PPFIBP1: variants seen among roughly 807,000 people sequenced by gnomAD.
PPFIBP1 encodes the protein liprin-beta-1.
In PPFIBP1, 112 loss-of-function variants were observed where a neutral mutation model predicts 137.8. The ratio of observed to expected loss-of-function variants is 0.81; its 90% confidence interval spans 0.70 to 0.95. PPFIBP1 has a LOEUF of 0.95. Ranked by LOEUF, PPFIBP1 falls within the 40% of genes least tolerant of loss-of-function variation. PPFIBP1 has a pLI of 0.00. For synonymous variants in PPFIBP1, 378 were observed against 417.3 expected (o/e 0.91, Z 1.15); for missense variants, 1,083 against 1,196.6 (o/e 0.91, Z 1.40).
At chr12:27,575,572 G>A (rs1327313148) in intron 1 of PPFIBP1, among the ~76,000 whole-genome samples, 1 of 152,182 alleles carries the variant, frequency 6.6e-6, no homozygotes, top group Non-Finnish European at 1.5e-5. Flanking sequence ...GAGACCTGAG[G>A]TTGTGGGCAG....
At chr12:27,637,214 T>A (rs562473106) in intron 4 of PPFIBP1, 5 of 152,308 alleles carry the variant, frequency 3.3e-5, no homozygotes, top group South Asian at 4.1e-4. Context: ...GCCCTTATTT[T>A]AAAAAAATTA....
intron 4 of PPFIBP1, among the ~76,000 whole-genome samples, chr12:27,639,547 A>G (rs1433711042): frequency 2.6e-5 from 4 of 152,194 alleles, no homozygotes. Flanking sequence ...TTTAATTATG[A>G]GGCCATCTCA....
rs748800574 is a variant in PPFIBP1 at position 27,692,868 on chromosome 12, G to T, written c.3004G>T (p.Asp1002Tyr). ...CCCCAGTGCCAGCATTACAGATGAA[G>T]ACTCAAACGTTTGACCGTAGCACCT... ...RSPSASITDEDSNV is the reference protein window; with the variant it reads ...RSPSASITDEYSNV Residue 1002 changes from aspartate (D) to tyrosine (Y), a missense_variant, in exon 30 of 30, where the codon GAC becomes TAC. Physicochemically the swap from Asp to Tyr is radical, Grantham distance 160. Coordinates refer to ENST00000228425, the MANE Select transcript of PPFIBP1 (RefSeq NM_003622.4). 1 of 1,614,090 alleles carries T rather than the reference G, an allele frequency of 6.2e-7. No individual in the cohort carries two copies. Among genetic ancestry groups the T allele is most frequent in the Non-Finnish European group, 8.5e-7 (1 of 1,180,006 alleles).
chr12:27,588,628 T>C (rs569931210), intron 2 of PPFIBP1, among the ~76,000 whole-genome samples: 1 of 152,354 alleles, frequency 6.6e-6, no homozygotes, highest in African/African-American at 2.4e-5. Flanking sequence ...TTTAAAGATT[T>C]GTACTTAAAA....
chr12:27,592,931 G>A (rs143435456), intron 2 of PPFIBP1, among the ~76,000 whole-genome samples: 1 of 152,170 alleles, frequency 6.6e-6, no homozygotes, highest in African/African-American at 2.4e-5. Flanking sequence ...CTTGAGGTCA[G>A]GAGGTCGAGA....
chr12:27,673,033 A>G (rs1227216243), intron 15 of PPFIBP1, among the ~76,000 whole-genome samples: 5 of 152,228 alleles, frequency 3.3e-5, no homozygotes, highest in African/African-American at 4.8e-5. Context: ...ATACACCTAA[A>G]TACAGAAGAA....
In PPFIBP1 at chr12:27,688,336, C is replaced by T; in HGVS notation, c.2409C>T (p.Asn803=). 1.2e-6 allele frequency: 2 copies of T among 1,614,116 alleles called. No individual in the cohort carries two copies. Among genetic ancestry groups the T allele is most frequent in the Non-Finnish European group, 1.7e-6 (2 of 1,179,960 alleles). ...CATCAGAAGTTCAGAAGTGGACTAACCATCGAGTGATGGAGTGGCTGCGCT... is the reference window on the plus strand; with the variant it reads ...CATCAGAAGTTCAGAAGTGGACTAATCATCGAGTGATGGAGTGGCTGCGCT... ...IAPSEVQKWT[N]HRVMEWLRSV... is the part of the protein sequence containing the mutation. The change falls in exon 26 of 30, where the codon AAC becomes AAT. Residue 803 remains asparagine, a synonymous_variant. Coordinates refer to ENST00000228425, the MANE Select transcript of PPFIBP1 (RefSeq NM_003622.4).
At chr12:27,689,550 G>A (rs1030296331) in intron 27 of PPFIBP1, among the ~76,000 whole-genome samples, 2 of 152,126 alleles carry the variant, frequency 1.3e-5, no homozygotes, top group Non-Finnish European at 2.9e-5. Context: ...AAGGCACAGC[G>A]GGCTGCTGAA....
At chr12:27,587,155 A>G (rs2051861774) in intron 2 of PPFIBP1, among the ~76,000 whole-genome samples, 1 of 152,202 alleles carries the variant, frequency 6.6e-6, no homozygotes, top group Non-Finnish European at 1.5e-5. Flanking sequence ...TTACCAATCT[A>G]TGAGACTGAA....
intron 2 of PPFIBP1, among the ~76,000 whole-genome samples, chr12:27,600,423 C>T (rs191125543): frequency 0.015 from 2,246 of 146,224 alleles, 22 homozygotes; most frequent in Non-Finnish European, 0.024. Context: ...GCAACAAGAG[C>T]GAAACTCCGT....
intron 17 of PPFIBP1, among the ~76,000 whole-genome samples, chr12:27,674,766 T>A (rs1332456832): frequency 6.6e-6 from 1 of 151,978 alleles, no homozygotes; most frequent in East Asian, 1.9e-4. Flanking sequence ...CATTTTGGTA[T>A]GTTTAAAGAT....
chr12:27,541,525 C>T (rs1384602492), intron 1 of PPFIBP1, among the ~76,000 whole-genome samples: 1 of 152,140 alleles, frequency 6.6e-6, no homozygotes, highest in Non-Finnish European at 1.5e-5. Flanking sequence ...GGCCACATCC[C>T]ATCCAGTTCT....
At chr12:27,647,452 T>TC (rs1347330159) in intron 5 of PPFIBP1, among the ~76,000 whole-genome samples, 25 of 152,326 alleles carry the variant, frequency 1.6e-4, no homozygotes, top group South Asian at 1.2e-3. Flanking sequence ...ACATGCTGTC[T>TC]TTCATAAATG....
chr12:27,609,960 G>T (rs1469665397), intron 2 of PPFIBP1, among the ~76,000 whole-genome samples: 1 of 152,120 alleles, frequency 6.6e-6, no homozygotes, highest in Non-Finnish European at 1.5e-5. Context: ...AAGGTCTTGG[G>T]GGAAAGAACC....
At chr12:27,581,984 A>ATGTGTGTG (rs61548314) in intron 2 of PPFIBP1, among the ~76,000 whole-genome samples, 80 of 150,866 alleles carry the variant, frequency 5.3e-4, no homozygotes, top group African/African-American at 1.9e-3. Context: ...GTGTGTACGT[A>ATGTGTGTG]TGTGTGTGTG....
intron 5 of PPFIBP1, among the ~76,000 whole-genome samples, chr12:27,647,129 G>A (rs541336869): frequency 3.3e-4 from 51 of 152,258 alleles, no homozygotes; most frequent in African/African-American, 1.1e-3. Context: ...AGCCTCCTGA[G>A]TAACTGGGAT....
intron 2 of PPFIBP1, among the ~76,000 whole-genome samples, chr12:27,585,143 A>G (rs1432019019): frequency 6.6e-6 from 1 of 152,266 alleles, no homozygotes; most frequent in African/African-American, 2.4e-5. Flanking sequence ...GTTAATGTTC[A>G]TTAAATGAAT....
chr12:27,570,441 C>A (rs1463088474), intron 1 of PPFIBP1, among the ~76,000 whole-genome samples: 1 of 152,152 alleles, frequency 6.6e-6, no homozygotes, highest in Admixed American at 6.5e-5. Context: ...TCAAATTCTA[C>A]CCTCTAAGTC....
intron 27 of PPFIBP1, among the ~76,000 whole-genome samples, chr12:27,690,418 G>A (rs1316153378): frequency 1.3e-5 from 2 of 152,194 alleles, no homozygotes; most frequent in Non-Finnish European, 2.9e-5. Flanking sequence ...TAATCTGAGG[G>A]TCCAAGGTTC....
Sources: gnomAD v4.1 joint callset for allele counts (sites outside exome capture counted in the v4.1 genomes callset) on GRCh38, gnomAD v4.1.1 for gene constraint, MANE v1.5 for transcripts, NCBI Gene and HGNC (gene_info 2026-07-23, HGNC 2026-07-21) for gene names.